Variants in CAST observed in about 807,000 individuals in gnomAD.
CAST encodes the protein MIR583 host.
Under a neutral mutation model 119.6 loss-of-function variants are expected in CAST, and 76 were observed. The observed-to-expected ratio is 0.64, with a 90% CI of 0.53 to 0.77. The LOEUF (loss-of-function observed/expected upper bound fraction) is 0.77. Among genes scored for constraint, CAST ranks in the 30% least tolerant of loss-of-function variants. The pLI, the probability that CAST is intolerant of heterozygous loss-of-function variation, is 0.00. For missense variants in CAST, 953 were observed against 946.5 expected, an observed-to-expected ratio of 1.01 and a Z score of -0.09; for synonymous variants, 319 against 331.6, an observed-to-expected ratio of 0.96 and a Z score of 0.41.
chr5:96,334,815 C>T, the CAST span, among the ~76,000 whole-genome samples: 1 of 152,188 alleles, frequency 6.6e-6, no homozygotes, highest in Non-Finnish European at 1.5e-5. Flanking sequence ...AATACAAGGG[C>T]TGACTTGTTC....
intron 2 of CAST, among the ~76,000 whole-genome samples, chr5:96,680,186 T>C (rs2150259623): frequency 6.7e-6 from 1 of 149,818 alleles, no homozygotes; most frequent in Admixed American, 6.6e-5. Context: ...CCAACTCTAC[T>C]AAAAATACAA....
chr5:96,534,801 G>GAA (rs1365421304), intron 1 of CAST, among the ~76,000 whole-genome samples: 1 of 108,402 alleles, frequency 9.2e-6, no homozygotes, highest in Non-Finnish European at 1.9e-5. Flanking sequence ...AAGAAAGAAA[G>GAA]AAGAAAGAAA....
chr5:96,116,185 A>G, the CAST span, among the ~76,000 whole-genome samples: 1 of 152,144 alleles, frequency 6.6e-6, no homozygotes, highest in Admixed American at 6.5e-5. Flanking sequence ...TGTCATATAC[A>G]TGGAATCATA....
At chr5:96,577,226 C>T (rs1746688631) in intron 1 of CAST, among the ~76,000 whole-genome samples, 1 of 151,372 alleles carries the variant, frequency 6.6e-6, no homozygotes, top group African/African-American at 2.4e-5. Context: ...CACAGAATTC[C>T]ATTATTATCT....
the CAST span, among the ~76,000 whole-genome samples, chr5:96,448,262 A>C: frequency 2.6e-5 from 4 of 152,214 alleles, no homozygotes; most frequent in Non-Finnish European, 4.4e-5. Flanking sequence ...TATGCATAAA[A>C]TATTTCTAAT....
chr5:96,369,734 C>T, the CAST span, among the ~76,000 whole-genome samples: 1 of 152,076 alleles, frequency 6.6e-6, no homozygotes, highest in African/African-American at 2.4e-5. Flanking sequence ...CTCAATTCTC[C>T]TTGTTTTAGT....
the CAST span, among the ~76,000 whole-genome samples, chr5:96,471,534 A>G: frequency 6.6e-6 from 1 of 152,102 alleles, no homozygotes; most frequent in Admixed American, 6.6e-5. Flanking sequence ...GACACTGAAA[A>G]CTTTATTAAT....
chr5:96,656,674 T>C (rs561752482), intron 1 of CAST, among the ~76,000 whole-genome samples: 1 of 152,264 alleles, frequency 6.6e-6, no homozygotes, highest in South Asian at 2.1e-4. Flanking sequence ...TTTGGGTCAG[T>C]TCAAGTCAGG....
chr5:96,093,938 G>A, the CAST span, among the ~76,000 whole-genome samples: 3 of 151,660 alleles, frequency 2.0e-5, no homozygotes, highest in Admixed American at 2.0e-4. Flanking sequence ...TAGAGTTTGA[G>A]CTGATTGCTC....
At chr5:96,224,599 C>T in the CAST span, among the ~76,000 whole-genome samples, 1 of 152,098 alleles carries the variant, frequency 6.6e-6, no homozygotes, top group Non-Finnish European at 1.5e-5. Flanking sequence ...ATCCGATTCT[C>T]CCCTGGAGCA....
chr5:96,217,253 C>G, the CAST span, among the ~76,000 whole-genome samples: 1 of 120,222 alleles, frequency 8.3e-6, no homozygotes, highest in Non-Finnish European at 1.6e-5. Flanking sequence ...GTTGCCCAGG[C>G]TGGTCCTATA....
the CAST span, among the ~76,000 whole-genome samples, chr5:96,282,274 A>C: frequency 1.3e-5 from 2 of 152,226 alleles, no homozygotes; most frequent in African/African-American, 4.8e-5. Context: ...CAGCTTCAGC[A>C]TGAGAACATT....
the CAST span, among the ~76,000 whole-genome samples, chr5:96,216,094 C>T: frequency 6.6e-6 from 1 of 152,164 alleles, no homozygotes; most frequent in African/African-American, 2.4e-5. Flanking sequence ...AGGTGTGAGC[C>T]ACTGTACCTG....
chr5:96,607,761 G>A (rs6859790), intron 1 of CAST, among the ~76,000 whole-genome samples: 17,700 of 151,170 alleles, frequency 0.12, 1,453 homozygotes, highest in African/African-American at 0.23. Flanking sequence ...GACTGCCGGT[G>A]CAGAAGGTAA....
chr5:96,127,196 A>G, the CAST span, among the ~76,000 whole-genome samples: 8 of 152,126 alleles, frequency 5.3e-5, no homozygotes, highest in African/African-American at 1.9e-4. Context: ...TTTATTTTAA[A>G]TGGTAGAGTG....
At position 96,549,583 on chromosome 5, in the gene CAST, C is replaced by T. The variant is rs147388706; in HGVS notation, c.60+19703C>T. 2.1e-3 allele frequency among the ~76,000 whole-genome samples: 318 copies of T among 152,230 alleles called. 2 individuals carry two copies. The highest frequency in any genetic ancestry group is 6.8e-3 in the African/African-American group (284 of 41,552). ...CCATGGTGGGCGAGTGGAAGCAGGG[C>T]GGGGCATCACCTTACCCGGGAAGCA... On this transcript the variant is annotated intron_variant, in intron 1 of 11. Coordinates refer to the CAST transcript ENST00000505143.
chr5:96,488,259 C>T, the CAST span, among the ~76,000 whole-genome samples: 1 of 152,028 alleles, frequency 6.6e-6, no homozygotes, highest in East Asian at 1.9e-4. Flanking sequence ...GTCCCTTTTC[C>T]TGGGGATTTA....
intron 2 of CAST, among the ~76,000 whole-genome samples, chr5:96,681,681 C>T (rs1435973370): frequency 1.4e-5 from 2 of 143,476 alleles, no homozygotes; most frequent in Non-Finnish European, 3.0e-5. Flanking sequence ...TGCAGTGAGC[C>T]GAGATCCCGC....
the CAST span, among the ~76,000 whole-genome samples, chr5:96,320,290 T>G: frequency 2.2e-5 from 3 of 138,742 alleles, no homozygotes; most frequent in Admixed American, 7.8e-5. Flanking sequence ...CAGACTGGAG[T>G]GCAATGGCAT....
Sources: gnomAD v4.1 joint callset for allele counts (sites outside exome capture counted in the v4.1 genomes callset) on GRCh38, gnomAD v4.1.1 for gene constraint, MANE v1.5 for transcripts, NCBI Gene and HGNC (gene_info 2026-07-23, HGNC 2026-07-21) for gene names.